MICALL2: variants seen among roughly 807,000 people sequenced by gnomAD.
MICALL2 encodes MICAL like 2, also known as MICAL-like protein 2.
A neutral mutation model predicts 91.1 loss-of-function variants in MICALL2; 111 were observed. That is an observed-to-expected ratio of 1.22 (90% confidence interval 1.04 to 1.43). The LOEUF is 1.43. MICALL2 is among the 40% of genes most tolerant of loss of function. MICALL2 has a pLI of 0.00. For missense variants in MICALL2, 1,556 were observed against 1,236.0 expected (o/e 1.26, Z -3.88); for synonymous variants, 694 against 525.3 (o/e 1.32, Z -4.39).
chr7:1,443,623 G>A (rs1277495986), intron 6 of MICALL2, among the ~76,000 whole-genome samples: 1 of 152,160 alleles, frequency 6.6e-6, no homozygotes, highest in Non-Finnish European at 1.5e-5. Flanking sequence ...CCTTAGAAGA[G>A]ACAGAAGAGG....
chr7:1,442,440 G>A lies in MICALL2; in HGVS notation c.1463C>T (p.Thr488Ile), dbSNP rs1421149168. ...TAAVPSSQPK[T>I]EAPQASPLAK... is the part of the protein sequence containing the mutation. ...TAAGGGACTTGCTTGTGGTGCTTCA[G>A]TTTTGGGCTGAGAACTGGGAACAGC... Residue 488 changes from threonine to isoleucine, a missense_variant, in exon 7 of 17, where the codon ACT becomes ATT. Transcript: ENST00000297508. 6.4e-7 allele frequency: 1 copy of A among 1,555,724 alleles called. No individual in the cohort carries two copies. The highest frequency in any genetic ancestry group is 8.7e-7 in the Non-Finnish European group (1 of 1,149,396).
rs1349904543 is a variant in MICALL2 at position 1,438,944 on chromosome 7, A to AGGCT, written c.2014_2017dup (p.Leu673GlnfsTer6). 6.2e-7 allele frequency: 1 copy of AGGCT among 1,605,026 alleles called. No homozygotes were observed. Among genetic ancestry groups the AGGCT allele is most frequent in the Admixed American group, 1.7e-5 (1 of 59,990 alleles). The stretch of plus-strand genomic sequence containing the variant: ...CCGAAGCCAGTTGTCACAAACGTCG[A>AGGCT]GGCTGGCAGGGACGGCCAGTCTCCT... On this transcript the variant is annotated frameshift_variant, in exon 10 of 17. Coordinates refer to ENST00000297508, the MANE Select transcript of MICALL2 (RefSeq NM_182924.4). LOFTEE classifies it high-confidence loss of function.
At position 1,442,096 on chromosome 7, in the gene MICALL2, C is replaced by A. The variant is rs372749727; in HGVS notation, c.1711+96G>T. On this transcript the variant is annotated intron_variant, in intron 7 of 16. Coordinates refer to ENST00000297508, the MANE Select transcript of MICALL2 (RefSeq NM_182924.4). Reference sequence around the variant, plus strand: ...GAGACGGAGAGGAAGGCGGGCGGGGCTGATGATGAAACCGCACACACTGCA... The same window carrying A: ...GAGACGGAGAGGAAGGCGGGCGGGGATGATGATGAAACCGCACACACTGCA... 2,058 of 1,372,406 alleles carry A rather than the reference C, an allele frequency of 1.5e-3. 53 individuals are homozygous for A. The South Asian group carries it at 0.024, about 16-fold the overall frequency. The allele number at this position is 1,372,406 out of a possible 1,614,324, so 85.0% of individuals were successfully genotyped here.
chr7:1,438,421 T>C, intron 10 of MICALL2, 68 bp from the exon 11 acceptor site: 1 of 1,547,814 alleles, frequency 6.5e-7, no homozygotes, highest in Non-Finnish European at 8.7e-7. Context: ...GGACACAGCT[T>C]GGAAGGAGCC....
intron 10 of MICALL2, 131 bp from the exon 11 acceptor site, chr7:1,438,484 C>G: frequency 6.8e-7 from 1 of 1,478,222 alleles, no homozygotes; most frequent in Non-Finnish European, 9.0e-7. Context: ...ATGCCCCACA[C>G]GCCCACTGGA....
chr7:1,443,172 G>A (rs921386911), intron 6 of MICALL2, among the ~76,000 whole-genome samples: 4 of 149,506 alleles, frequency 2.7e-5, no homozygotes, highest in Non-Finnish European at 4.5e-5. Flanking sequence ...AGGAGCTGGG[G>A]TCCTCCCCAG....
rs1269892368 is a variant in MICALL2 at position 1,451,617 on chromosome 7, C to G, written c.144-1329G>C. 6.6e-6 allele frequency among the ~76,000 whole-genome samples: 1 copy of G among 152,196 alleles called. No individual in the cohort carries two copies. Among genetic ancestry groups the G allele is most frequent in the East Asian group, 1.9e-4 (1 of 5,188 alleles). On this transcript the variant is annotated intron_variant, in intron 1 of 16. Transcript: ENST00000297508. The surrounding 1 kb of genome is among the most constrained non-coding windows in gnomAD (Gnocchi z 4.5). ...TGGACTGTTCTAGAAGCTTCCTGGC[C>G]CCACAGAGGGAGCTGGGGCTGCAAG...
Position 1,435,195 on chromosome 7 carries a change from G to A in MICALL2, c.2592-48C>T, listed in dbSNP as rs373936391. The A allele has an allele frequency of 1.3e-5, 20 of 1,599,706 alleles. No individual in the cohort carries two copies. In the African/African-American group the frequency reaches 2.0e-4, roughly 16 times the overall value. On this transcript the variant is annotated intron_variant, in intron 15 of 16. Transcript: ENST00000297508. Reference sequence around the variant, plus strand: ...TGAGCGACAATGGCAATGGCAAGGTGCCCTGGAGGGGCCTCCGGACAGTCT... The same window carrying A: ...TGAGCGACAATGGCAATGGCAAGGTACCCTGGAGGGGCCTCCGGACAGTCT...
chr7:1,442,121 A>G (rs1473718939), intron 7 of MICALL2, 71 bp downstream of exon 7: 1 of 1,526,006 alleles, frequency 6.6e-7, no homozygotes, highest in Non-Finnish European at 9.0e-7. Flanking sequence ...CACACACTGC[A>G]GAGTGCGGCC....
At chr7:1,436,890 C>G (rs200382638) in intron 14 of MICALL2, 34 bp from the exon 15 acceptor site, 178 of 1,453,134 alleles carry the variant, frequency 1.2e-4, no homozygotes, top group East Asian at 2.0e-4. Flanking sequence ...GAGCCCCCCC[C>G]ACCACTGCCA....
intron 1 of MICALL2, among the ~76,000 whole-genome samples, chr7:1,456,263 A>G: frequency 6.6e-6 from 1 of 151,986 alleles, no homozygotes; most frequent in Non-Finnish European, 1.5e-5. Flanking sequence ...TCAATTTAAA[A>G]AAGAAACAAT....
intron 7 of MICALL2, chr7:1,441,063 C>G (rs1014485531): frequency 2.3e-5 from 6 of 263,628 alleles, no homozygotes; most frequent in Non-Finnish European, 4.6e-5. Flanking sequence ...CTGCAGGATC[C>G]AGCGCGTGGC....
Position 1,444,838 on chromosome 7 carries a change from G to A in MICALL2, c.1232C>T (p.Ser411Phe). 6.2e-7 allele frequency: 1 copy of A among 1,608,102 alleles called. No individual in the cohort carries two copies. The change falls in exon 6 of 17, where the codon TCC becomes TTC. Residue 411 changes from serine to phenylalanine, a missense_variant. Transcript: ENST00000297508. ...CTTATTCCGGGCCTGCTGGGTCCTG[G>A]AGGCGGACGGGGTCCAGGCTGGGGG... Reference protein sequence around the residue: ...VDPPAWTPSASRTQQARNKFF... With the variant: ...VDPPAWTPSAFRTQQARNKFF...
At position 1,445,406 on chromosome 7, in the gene MICALL2, G is replaced by T. The variant is rs902565926; in HGVS notation, c.664C>A (p.Leu222Met). 11 of 1,554,670 alleles carry T rather than the reference G, an allele frequency of 7.1e-6. No homozygotes were observed. The highest frequency in any genetic ancestry group is 8.6e-6 in the Non-Finnish European group (10 of 1,157,314). Residue 222 changes from leucine to methionine, a missense_variant, in exon 6 of 17, where the codon CTG (leucine) becomes ATG (methionine). Physicochemically the swap from Leu to Met is conservative, Grantham distance 15 (BLOSUM62 2). Transcript: ENST00000297508. The stretch of plus-strand genomic sequence containing the variant: ...GTGGCCTTGTAGGCCCCCGAGTGCA[G>T]CGTGCAGGAGCACTGCTTACACCTG... ...CFRCKQCSCT[L>M]HSGAYKATGE...
At position 1,435,135 on chromosome 7, in the gene MICALL2, C is replaced by A. The variant is rs1264973998; in HGVS notation, c.2604G>T (p.Glu868Asp). The A allele has an allele frequency of 2.5e-6, 4 of 1,613,608 alleles. No individual in the cohort carries two copies. In the South Asian group the frequency reaches 4.4e-5, roughly 18 times the overall value. ...CAATCATGTCCCGCAGCATCTGATC[C>A]TCCTCTTGTTCCCTGAAACGGGACC... is the stretch of plus-strand genomic sequence containing the variant. ...LDEDRLREQEEDQMLRDMIEK... is the reference protein window; with the variant it reads ...LDEDRLREQEDDQMLRDMIEK... The change falls in exon 16 of 17, where the codon GAG becomes GAT. Residue 868 changes from glutamate to aspartate, a missense_variant. Coordinates refer to ENST00000297508, the MANE Select transcript of MICALL2 (RefSeq NM_182924.4).
In MICALL2 at chr7:1,435,133, T is replaced by C; in HGVS notation, c.2606A>G (p.Asp869Gly). 6.2e-7 allele frequency: 1 copy of C among 1,613,420 alleles called. No individual in the cohort carries two copies. Among genetic ancestry groups the C allele is most frequent in the East Asian group, 2.2e-5 (1 of 44,862 alleles). Reference protein sequence around the residue: ...DEDRLREQEEDQMLRDMIEKL... With the variant: ...DEDRLREQEEGQMLRDMIEKL... The stretch of plus-strand genomic sequence containing the variant: ...CTCAATCATGTCCCGCAGCATCTGA[T>C]CCTCCTCTTGTTCCCTGAAACGGGA... The change falls in exon 16 of 17, where the codon GAT becomes GGT. Residue 869 changes from aspartate (D) to glycine (G), a missense_variant. By Grantham distance (94) the Asp-to-Gly change is moderately conservative (BLOSUM62 -1). Coordinates refer to ENST00000297508, the MANE Select transcript of MICALL2 (RefSeq NM_182924.4).
chr7:1,444,855 G>A lies in MICALL2; in HGVS notation c.1215C>T (p.Ala405=), dbSNP rs1430092454. ...GGGTCCTGGAGGCGGACGGGGTCCA[G>A]GCTGGGGGGTCCACCGTGGCTGCAG... is the stretch of plus-strand genomic sequence containing the variant. ...STSAATVDPP[A]WTPSASRTQQ... is the part of the protein sequence containing the mutation. Residue 405 remains alanine, a synonymous_variant, in exon 6 of 17, where the codon GCC becomes GCT. Transcript: ENST00000297508. The A allele has an allele frequency of 3.1e-6, 5 of 1,604,202 alleles. No individual in the cohort carries two copies. In the African/African-American group the frequency reaches 5.3e-5, roughly 17 times the overall value.
Position 1,459,297 on chromosome 7 carries a change from C to G in MICALL2, c.30G>C (p.Trp10Cys). MAAIRALQQ[W>C]CRQQCEGYRD... is the part of the protein sequence containing the mutation. ...GGTAGCCCTCGCACTGCTGCCGGCA[C>G]CACTGTTGCAGCGCCCTGATGGCCG... The change falls in exon 1 of 17, where the codon TGG becomes TGC. Residue 10 changes from tryptophan (W) to cysteine (C), a missense_variant. Coordinates refer to ENST00000297508, the MANE Select transcript of MICALL2 (RefSeq NM_182924.4). The G allele has an allele frequency of 6.3e-7, 1 of 1,596,338 alleles. No homozygotes were observed. The highest frequency in any genetic ancestry group is 8.5e-7 in the Non-Finnish European group (1 of 1,173,006).
At position 1,459,204 on chromosome 7, in the gene MICALL2, G is replaced by C. The variant is rs568394917; in HGVS notation, c.123C>G (p.His41Gln). ...CTTACATGAGGTCGGGCCGGTGGCGGTGCAGGATGGCGCAGAAAGCCAGGC... is the reference window on the plus strand; with the variant it reads ...CTTACATGAGGTCGGGCCGGTGGCGCTGCAGGATGGCGCAGAAAGCCAGGC... ...RDGLAFCAIL[H>Q]RHRPDLINFS... The change falls in exon 1 of 17, where the codon CAC (histidine) becomes CAG (glutamine). Residue 41 changes from histidine (H) to glutamine (Q), a missense_variant. By Grantham distance (24) the His-to-Gln change is conservative. Coordinates refer to ENST00000297508, the MANE Select transcript of MICALL2 (RefSeq NM_182924.4). The C allele has an allele frequency of 1.2e-6, 2 of 1,610,472 alleles. No homozygotes were observed. Among genetic ancestry groups the C allele is most frequent in the African/African-American group, 1.3e-5 (1 of 74,806 alleles).
Sources: gnomAD v4.1 joint callset for allele counts (sites outside exome capture counted in the v4.1 genomes callset) on GRCh38, gnomAD v4.1.1 for gene constraint, Gnocchi (gnomAD v3.1) non-coding constraint, MANE v1.5 for transcripts, NCBI Gene and HGNC (gene_info 2026-07-23, HGNC 2026-07-21) for gene names.